Variants in CDK19 observed in about 807,000 individuals in gnomAD.
CDK19 encodes cyclin-dependent kinase 19.
In CDK19, 20 loss-of-function variants were observed where a neutral mutation model predicts 68.3. The ratio of observed to expected loss-of-function variants is 0.29; its 90% CI spans 0.21 to 0.43. The LOEUF is 0.43. CDK19 is among the 20% of genes least tolerant of loss of function. CDK19 has a pLI of 1.00. For missense variants in CDK19, 339 were observed against 623.5 expected (o/e 0.54, Z 4.86); for synonymous variants, 221 against 222.8 (o/e 0.99, Z 0.07).
intron 4 of CDK19, chr6:110,646,448 C>T (rs1433154449): frequency 6.7e-7 from 1 of 1,499,686 alleles, no homozygotes; most frequent in African/African-American, 1.4e-5. Context: ...CCCCATGCAC[C>T]GCCTCATCCC....
intron 2 of CDK19, among the ~76,000 whole-genome samples, chr6:110,707,790 G>A (rs1198084616): frequency 6.6e-6 from 1 of 152,006 alleles, no homozygotes; most frequent in African/African-American, 2.4e-5. Flanking sequence ...TGGCCAACAT[G>A]GTGAAACCCC....
At chr6:110,718,613 G>A (rs1265931327) in intron 2 of CDK19, among the ~76,000 whole-genome samples, 1 of 132,808 alleles carries the variant, frequency 7.5e-6, no homozygotes, top group Non-Finnish European at 1.6e-5. Flanking sequence ...CAAAGCCAGA[G>A]AACCACGGAG....
At chr6:110,748,227 A>C (rs1778212283) in intron 1 of CDK19, among the ~76,000 whole-genome samples, 2 of 152,188 alleles carry the variant, frequency 1.3e-5, no homozygotes, top group Admixed American at 1.3e-4. Flanking sequence ...GTTGCTATGG[A>C]AACTATAAGA....
chr6:110,614,682 A>G lies in CDK19; in HGVS notation c.1378-16T>C. ...AACTGGAGTGCTAGGAGAAGGAAAC[A>G]GGAAAAGGGAATTACTGATGGAGGA... On this transcript the variant is annotated splice_polypyrimidine_tract_variant and intron_variant, in intron 12 of 12. Coordinates refer to ENST00000368911, the MANE Select transcript of CDK19 (RefSeq NM_015076.5). 1 of 1,613,602 alleles carries G rather than the reference A, an allele frequency of 6.2e-7. No individual in the cohort carries two copies. The highest frequency in any genetic ancestry group is 1.1e-5 in the South Asian group (1 of 91,066).
chr6:110,734,272 A>C, intron 2 of CDK19, among the ~76,000 whole-genome samples: 1 of 152,092 alleles, frequency 6.6e-6, no homozygotes, highest in East Asian at 1.9e-4. Context: ...AGCCTCCGAA[A>C]GTGCTGGGAT....
At chr6:110,760,898 A>G (rs1442366131) in intron 1 of CDK19, among the ~76,000 whole-genome samples, 1 of 152,206 alleles carries the variant, frequency 6.6e-6, no homozygotes, top group Non-Finnish European at 1.5e-5. Context: ...GTCTGGCTAA[A>G]GAGTCTGTGC....
chr6:110,785,050 A>C (rs1412434056), intron 1 of CDK19, among the ~76,000 whole-genome samples: 1 of 147,664 alleles, frequency 6.8e-6, no homozygotes, highest in African/African-American at 2.5e-5. Flanking sequence ...AATCCTGTGC[A>C]TATGCTAAAA....
intron 1 of CDK19, among the ~76,000 whole-genome samples, chr6:110,804,022 A>G (rs1782505820): frequency 6.6e-6 from 1 of 152,156 alleles, no homozygotes; most frequent in South Asian, 2.1e-4. Context: ...GAAAAGAGAG[A>G]AAGGGACGGA....
At position 110,737,359 on chromosome 6, in the gene CDK19, C is replaced by A. The variant is rs191719712; in HGVS notation, c.204+8767G>T. Among the ~76,000 whole-genome samples, 19 of 152,320 alleles carry A rather than the reference C, an allele frequency of 1.2e-4. No homozygotes were observed. In the East Asian group the frequency reaches 3.5e-3, roughly 28 times the overall value. On this transcript the variant is annotated intron_variant, in intron 2 of 12. Transcript: ENST00000368911. ...AAACCCCAGAAACCTGTATGGCCCA[C>A]CTCTTTTCTATTACTGGCAATAATC...
chr6:110,662,862 C>T (rs1263551141), intron 4 of CDK19, among the ~76,000 whole-genome samples: 1 of 152,128 alleles, frequency 6.6e-6, no homozygotes, highest in Admixed American at 6.6e-5. Flanking sequence ...ACATATTTAG[C>T]TCTCTTTCTC....
At chr6:110,665,434 A>T (rs1781865007) in intron 4 of CDK19, among the ~76,000 whole-genome samples, 1 of 152,198 alleles carries the variant, frequency 6.6e-6, no homozygotes, top group African/African-American at 2.4e-5. Context: ...AGCAGCAGCA[A>T]ATCTGAATGG....
chr6:110,624,384 A>G (rs545872794), intron 8 of CDK19, among the ~76,000 whole-genome samples: 18 of 152,162 alleles, frequency 1.2e-4, no homozygotes, highest in Non-Finnish European at 1.9e-4. Flanking sequence ...TTTCCTACAT[A>G]TGAAATATTT....
chr6:110,638,760 C>T (rs1177467483), intron 4 of CDK19, 54 bp from the exon 5 acceptor site: 6 of 948,208 alleles, frequency 6.3e-6, no homozygotes, highest in Non-Finnish European at 1.0e-5. Context: ...TTGACATGCT[C>T]TAAAATGGAG....
At chr6:110,766,899 C>A (rs1779628179) in intron 1 of CDK19, among the ~76,000 whole-genome samples, 2 of 152,150 alleles carry the variant, frequency 1.3e-5, no homozygotes, top group South Asian at 2.1e-4. Context: ...CTTTGGGAGG[C>A]CGAGGTGGGC....
At chr6:110,670,828 G>A in intron 2 of CDK19, 2 of 498,014 alleles carry the variant, frequency 4.0e-6, no homozygotes, top group South Asian at 1.7e-5. Context: ...TTTAAAAATA[G>A]GATTTTAAAT....
At chr6:110,690,050 A>G (rs1370247146) in intron 2 of CDK19, among the ~76,000 whole-genome samples, 1 of 152,092 alleles carries the variant, frequency 6.6e-6, no homozygotes, top group East Asian at 1.9e-4. Flanking sequence ...CTGCAGCTCT[A>G]CCCCAACAGT....
chr6:110,710,822 C>T (rs932103695), intron 2 of CDK19, among the ~76,000 whole-genome samples: 17 of 152,150 alleles, frequency 1.1e-4, no homozygotes, highest in Non-Finnish European at 2.5e-4. Context: ...TGGAGGGACA[C>T]AAACATTCAG....
chr6:110,760,865 G>A (rs933976124), intron 1 of CDK19, among the ~76,000 whole-genome samples: 7 of 152,200 alleles, frequency 4.6e-5, no homozygotes, highest in South Asian at 2.1e-4. Flanking sequence ...ATTAAGTGGC[G>A]ATCCAGAATT....
intron 10 of CDK19, 33 bp downstream of exon 10, chr6:110,622,782 G>A: frequency 7.3e-7 from 1 of 1,361,270 alleles, no homozygotes; most frequent in Non-Finnish European, 1.1e-6. Flanking sequence ...CCTCAGCCTG[G>A]AGCAAAGGAC....
Sources: allele counts gnomAD v4.1 joint callset (sites outside exome capture counted in the v4.1 genomes callset), GRCh38; gene constraint gnomAD v4.1.1; transcripts MANE v1.5; gene names NCBI Gene and HGNC (gene_info 2026-07-23, HGNC 2026-07-21).